Variants in MAGI1 observed in about 807,000 individuals in gnomAD.
MAGI1 encodes the protein membrane associated guanylate kinase, WW and PDZ domain containing 1.
A neutral mutation model predicts 139.9 loss-of-function variants in MAGI1; 58 were observed. The ratio of observed to expected loss-of-function variants is 0.41; its 90% CI spans 0.34 to 0.52. The LOEUF is 0.52. MAGI1 is among the 20% of genes least tolerant of loss of function. MAGI1 has a pLI of 0.12. For synonymous variants in MAGI1, 812 were observed against 737.9 expected (o/e 1.10, Z -1.63); for missense variants, 1,874 against 1,901.6 (o/e 0.99, Z 0.27).
intron 1 of MAGI1, among the ~76,000 whole-genome samples, chr3:65,846,165 A>T (rs540168007): frequency 1.3e-5 from 2 of 152,360 alleles, no homozygotes; most frequent in South Asian, 4.1e-4. Context: ...TAAATCCAGC[A>T]GCCACCAGCC....
At chr3:65,819,875 CAAAA>C (rs3077818) in intron 1 of MAGI1, among the ~76,000 whole-genome samples, 19 of 33,474 alleles carry the variant, frequency 5.7e-4, no homozygotes, top group South Asian at 3.3e-3. Flanking sequence ...GACTCCATCT[CAAAA>C]AAAAAAAAAA....
intron 1 of MAGI1, among the ~76,000 whole-genome samples, chr3:65,664,678 G>A (rs1053877731): frequency 1.3e-5 from 2 of 152,108 alleles, no homozygotes; most frequent in African/African-American, 2.4e-5. Context: ...GCACTTTCAC[G>A]ACATTTTATG....
intron 1 of MAGI1, among the ~76,000 whole-genome samples, chr3:65,743,585 T>C (rs2035450810): frequency 6.6e-6 from 1 of 152,154 alleles, no homozygotes; most frequent in African/African-American, 2.4e-5. Context: ...GGCATAGGCC[T>C]GTAATCCCAG....
chr3:65,450,590 G>A (rs1948974627), intron 6 of MAGI1, among the ~76,000 whole-genome samples: 1 of 152,138 alleles, frequency 6.6e-6, no homozygotes, highest in Non-Finnish European at 1.5e-5. Context: ...CTAAGTCGAA[G>A]TATCTTTGAG....
chr3:65,804,717 T>C (rs1172773748), intron 1 of MAGI1, among the ~76,000 whole-genome samples: 1 of 152,164 alleles, frequency 6.6e-6, no homozygotes, highest in Non-Finnish European at 1.5e-5. Flanking sequence ...CAAAACGGCA[T>C]GGCACTGGTA....
chr3:65,578,896 G>C (rs2081292025), intron 2 of MAGI1, among the ~76,000 whole-genome samples: 1 of 151,164 alleles, frequency 6.6e-6, no homozygotes, highest in African/African-American at 2.4e-5. Flanking sequence ...AATCCAGCCT[G>C]GGTGACAGAG....
intron 1 of MAGI1, among the ~76,000 whole-genome samples, chr3:65,940,997 G>T (rs1396200681): frequency 6.6e-6 from 1 of 152,098 alleles, no homozygotes; most frequent in African/African-American, 2.4e-5. Flanking sequence ...AATTTCACAT[G>T]AAACAGTATT....
At chr3:65,849,055 C>CTTTTTT (rs2059113059) in intron 1 of MAGI1, among the ~76,000 whole-genome samples, 1 of 47,454 alleles carries the variant, frequency 2.1e-5, no homozygotes, top group Admixed American at 3.0e-4. Flanking sequence ...TGGAGTTTTG[C>CTTTTTT]TCTTTTTGCC....
intron 2 of MAGI1, among the ~76,000 whole-genome samples, chr3:65,619,396 G>T (rs534600879): frequency 1.3e-5 from 2 of 152,116 alleles, no homozygotes; most frequent in African/African-American, 4.8e-5. Context: ...GAATGAAGGA[G>T]CTTTATTTCT....
chr3:65,628,911 T>C (rs1376601150), intron 1 of MAGI1, among the ~76,000 whole-genome samples: 1 of 152,244 alleles, frequency 6.6e-6, no homozygotes, highest in Non-Finnish European at 1.5e-5. Flanking sequence ...CTGTTCACAT[T>C]TCTTATACGT....
At chr3:65,738,895 A>G (rs910439402) in intron 1 of MAGI1, among the ~76,000 whole-genome samples, 17 of 152,230 alleles carry the variant, frequency 1.1e-4, no homozygotes, top group African/African-American at 4.1e-4. Context: ...GAGTAGATTT[A>G]GCACCCTCTT....
intron 1 of MAGI1, among the ~76,000 whole-genome samples, chr3:65,942,510 T>G (rs938090422): frequency 6.6e-6 from 1 of 152,196 alleles, no homozygotes; most frequent in African/African-American, 2.4e-5. Context: ...CCGACTCTAA[T>G]ATAAAAGGGT....
chr3:65,391,451 T>G, intron 13 of MAGI1, 93 bp from the exon 14 acceptor site: 1 of 992,900 alleles, frequency 1.0e-6, no homozygotes, highest in South Asian at 1.5e-5. Context: ...GTTTAGCACT[T>G]TTGCATACAC....
chr3:65,537,578 A>C (rs2079019087), intron 2 of MAGI1, among the ~76,000 whole-genome samples: 1 of 152,206 alleles, frequency 6.6e-6, no homozygotes, highest in Non-Finnish European at 1.5e-5. Context: ...CAGGGCAAAG[A>C]AGGATAGACT....
In MAGI1 at chr3:65,559,653, T is replaced by C. The variant is rs140482070; in HGVS notation, c.430+62319A>G. 3.1e-4 allele frequency among the ~76,000 whole-genome samples: 47 copies of C among 152,324 alleles called. 1 individual carries two copies. The highest frequency in any genetic ancestry group is 1.0e-3 in the African/African-American group (43 of 41,574). On this transcript the variant is annotated intron_variant, in intron 2 of 22. Transcript: ENST00000402939. ...CACTCCTACAAGGTAGGGATCGTTA[T>C]TCCCTTTTTATAGATCAGAAAGTGG...
chr3:65,665,371 G>T (rs1169931524), intron 1 of MAGI1, among the ~76,000 whole-genome samples: 1 of 152,152 alleles, frequency 6.6e-6, no homozygotes, highest in African/African-American at 2.4e-5. Flanking sequence ...CTATGGAAAA[G>T]ATGGAAAACA....
chr3:65,588,290 T>G (rs1445102243), intron 2 of MAGI1, among the ~76,000 whole-genome samples: 1 of 152,184 alleles, frequency 6.6e-6, no homozygotes, highest in Non-Finnish European at 1.5e-5. Flanking sequence ...AGATAAGAAC[T>G]TGCTCTAAGG....
At chr3:65,926,857 C>T (rs1250167260) in intron 1 of MAGI1, among the ~76,000 whole-genome samples, 3 of 152,046 alleles carry the variant, frequency 2.0e-5, no homozygotes, top group African/African-American at 4.8e-5. Flanking sequence ...TTGCTGGGCG[C>T]GGTGGTGCAC....
intron 1 of MAGI1, among the ~76,000 whole-genome samples, chr3:65,757,508 C>T (rs2036659412): frequency 6.6e-6 from 1 of 152,090 alleles, no homozygotes; most frequent in Admixed American, 6.6e-5. Flanking sequence ...CACGGTGGTG[C>T]ACACCTGTAA....
Sources: gnomAD v4.1 joint callset for allele counts (sites outside exome capture counted in the v4.1 genomes callset) on GRCh38, gnomAD v4.1.1 for gene constraint, MANE v1.5 for transcripts, NCBI Gene and HGNC (gene_info 2026-07-23, HGNC 2026-07-21) for gene names.